Variants in CD226 observed in about 807,000 individuals in gnomAD.
CD226 encodes CD226 molecule.
A neutral mutation model predicts 34.9 loss-of-function variants in CD226; 24 were observed. The ratio of observed to expected loss-of-function variants is 0.69; its 90% CI spans 0.50 to 0.97. CD226 has a LOEUF of 0.97. Ranked by LOEUF, CD226 falls within the 50% of genes least tolerant of loss-of-function variation. The pLI, the probability that CD226 is intolerant of heterozygous loss-of-function variation, is 0.00. For synonymous variants in CD226, 148 were observed against 147.4 expected (o/e 1.00, Z -0.03); for missense variants, 397 against 412.7 (o/e 0.96, Z 0.33).
intron 2 of CD226, among the ~76,000 whole-genome samples, chr18:69,936,243 T>TTTGA (rs2145344149): frequency 6.6e-6 from 1 of 152,338 alleles, no homozygotes; most frequent in East Asian, 1.9e-4. Flanking sequence ...TTTTTTGATT[T>TTTGA]TTGATTACAG....
At chr18:69,898,474 A>G (rs1466194803) in intron 2 of CD226, among the ~76,000 whole-genome samples, 1 of 152,146 alleles carries the variant, frequency 6.6e-6, no homozygotes, top group Non-Finnish European at 1.5e-5. Flanking sequence ...TTCACAAAGG[A>G]CAATGCAGGA....
rs572389864 is a variant in CD226 at position 69,881,574 on chromosome 18, C to G, written c.728-8328G>C. ...GAGGTGGTTTCAACATTTTAAGCGC[C>G]AAACGATTTAGGTTATTAATCATGC... On this transcript the variant is annotated intron_variant, in intron 3 of 5. Transcript: ENST00000582621. Among the ~76,000 whole-genome samples, 31 of 152,278 alleles carry G rather than the reference C, an allele frequency of 2.0e-4. No individual in the cohort carries two copies. In the East Asian group the frequency reaches 6.0e-3, roughly 29 times the overall value.
chr18:69,909,749 G>C (rs1407037715), intron 2 of CD226, among the ~76,000 whole-genome samples: 3 of 152,164 alleles, frequency 2.0e-5, no homozygotes, highest in Admixed American at 2.0e-4. Context: ...CATGTATTCA[G>C]CATTTAATTT....
chr18:69,946,706 T>TC, intron 2 of CD226, 28 bp downstream of exon 2: 1 of 1,456,202 alleles, frequency 6.9e-7, no homozygotes, highest in Non-Finnish European at 9.4e-7. Context: ...TAAAAAGGGA[T>TC]TTAAAAAAAA....
At position 69,858,626 on chromosome 18, in the gene CD226, C is replaced by T. The variant is rs929394519; in HGVS notation, c.*5688G>A. On this transcript the variant is annotated 3_prime_UTR_variant, in exon 6 of 6. Coordinates refer to ENST00000582621, the MANE Select transcript of CD226 (RefSeq NM_001303618.2). ...GAAACGAGTGTTTCCTGCCTCGTTTCCCACTGGAGTTGCCACATGTTGTGT... is the reference window on the plus strand; with the variant it reads ...GAAACGAGTGTTTCCTGCCTCGTTTTCCACTGGAGTTGCCACATGTTGTGT... 3 of 151,350 alleles carry T rather than the reference C, an allele frequency of 2.0e-5. No homozygotes were observed. Among genetic ancestry groups the T allele is most frequent in the Non-Finnish European group, 4.4e-5 (3 of 67,956 alleles). The allele number at this position is 151,350 out of a possible 1,614,324, so 9.4% of individuals were successfully genotyped here. A position where few individuals can be genotyped will look rare whatever the true frequency, so the allele number is the denominator to read the frequency against.
intron 1 of CD226, chr18:69,956,501 T>G (rs569235129): frequency 6.6e-6 from 1 of 152,214 alleles, no homozygotes; most frequent in Non-Finnish European, 1.5e-5. Context: ...AGATCTATTA[T>G]AAATACAATT....
At position 69,855,306 on chromosome 18, in the gene CD226, G is replaced by A. The variant is rs1055122526; in HGVS notation, c.*9008C>T. 1 of 151,652 alleles carries A rather than the reference G, an allele frequency of 6.6e-6. No homozygotes were observed. The highest frequency in any genetic ancestry group is 2.4e-5 in the African/African-American group (1 of 41,244). The allele number at this position is 151,652 out of a possible 1,614,324, so 9.4% of individuals were successfully genotyped here. ...AGATGGATAATGTAAGAAGAAAGAT[G>A]GAAACACTAAGAAGGAATAAAAAAG... On this transcript the variant is annotated 3_prime_UTR_variant, in exon 6 of 6. Transcript: ENST00000582621.
intron 4 of CD226, among the ~76,000 whole-genome samples, chr18:69,869,300 A>T (rs1218488393): frequency 6.6e-6 from 1 of 152,242 alleles, no homozygotes; most frequent in Non-Finnish European, 1.5e-5. Context: ...TGGTACACAT[A>T]TACCATAGAA....
intron 2 of CD226, among the ~76,000 whole-genome samples, chr18:69,914,603 C>T (rs1463351133): frequency 6.6e-6 from 1 of 152,108 alleles, no homozygotes; most frequent in Non-Finnish European, 1.5e-5. Context: ...AGACTTTTGG[C>T]CCTCCTTCTA....
intron 5 of CD226, among the ~76,000 whole-genome samples, chr18:69,865,093 A>C (rs1983059220): frequency 6.6e-6 from 1 of 152,156 alleles, no homozygotes; most frequent in African/African-American, 2.4e-5. Flanking sequence ...CCCAGGTTCA[A>C]GCAATTCTGC....
At chr18:69,885,262 A>T (rs1984490671) in intron 3 of CD226, among the ~76,000 whole-genome samples, 1 of 152,230 alleles carries the variant, frequency 6.6e-6, no homozygotes, top group Non-Finnish European at 1.5e-5. Context: ...CATAAACATG[A>T]GAGAACATAA....
At chr18:69,890,289 A>G (rs1201872132) in intron 3 of CD226, among the ~76,000 whole-genome samples, 1 of 152,152 alleles carries the variant, frequency 6.6e-6, no homozygotes, top group Non-Finnish European at 1.5e-5. Context: ...TGATAACCAG[A>G]GTTTGGAACA....
rs200954367 is a variant in CD226 at position 69,906,797 on chromosome 18, A to G, written c.383-10752T>C. Among the ~76,000 whole-genome samples the G allele has an allele frequency of 7.2e-5, 11 of 152,304 alleles. No homozygotes were observed. The East Asian group carries it at 1.9e-3, about 27-fold the overall frequency. On this transcript the variant is annotated intron_variant, in intron 2 of 5. Transcript: ENST00000582621. ...AAGCAATAAGTTCCAAACACCCTGC[A>G]ATGCAGGGAACTCCATAAAAATGGA...
intron 2 of CD226, among the ~76,000 whole-genome samples, chr18:69,920,595 T>C (rs1275512286): frequency 6.6e-6 from 1 of 152,198 alleles, no homozygotes; most frequent in Non-Finnish European, 1.5e-5. Flanking sequence ...GCTTCATTCT[T>C]CTATATGTTG....
At chr18:69,892,282 T>C (rs1188085161) in intron 3 of CD226, among the ~76,000 whole-genome samples, 1 of 152,224 alleles carries the variant, frequency 6.6e-6, no homozygotes, top group Non-Finnish European at 1.5e-5. Flanking sequence ...GTTTAAACAA[T>C]AGTAGTCTGC....
chr18:69,868,803 G>GCACA (rs56351883), intron 4 of CD226, among the ~76,000 whole-genome samples: 78,316 of 150,824 alleles, frequency 0.52, 21,358 homozygotes, highest in Non-Finnish European at 0.6. Context: ...GCGCGTGCAC[G>GCACA]CACACACACA....
At position 69,946,870 on chromosome 18, in the gene CD226, C is replaced by A. The variant is rs771352362; in HGVS notation, c.246G>T (p.Leu82Phe). 3.1e-6 allele frequency: 5 copies of A among 1,614,090 alleles called. No homozygotes were observed. Among genetic ancestry groups the A allele is most frequent in the Non-Finnish European group, 3.4e-6 (4 of 1,180,000 alleles). Residue 82 changes from leucine to phenylalanine, a missense_variant, in exon 2 of 6, where the codon TTG becomes TTT. Leu to Phe is a conservative substitution (Grantham distance 22). Coordinates refer to ENST00000582621, the MANE Select transcript of CD226 (RefSeq NM_001303618.2). ...TGTTATTGGAAGCCATCGTTGAATTCAAAAAGTAAACCCTCTCAGCATAGG... is the reference window on the plus strand; with the variant it reads ...TGTTATTGGAAGCCATCGTTGAATTAAAAAAGTAAACCCTCTCAGCATAGG... ...RKPYAERVYF[L>F]NSTMASNNMT... is the part of the protein sequence containing the mutation.
chr18:69,953,507 C>T (rs2055871159), intron 1 of CD226, among the ~76,000 whole-genome samples: 1 of 152,120 alleles, frequency 6.6e-6, no homozygotes, highest in Non-Finnish European at 1.5e-5. Flanking sequence ...TATGAAATAT[C>T]CAGATAGTTA....
intron 2 of CD226, among the ~76,000 whole-genome samples, chr18:69,912,967 G>A (rs930821412): frequency 9.2e-5 from 14 of 152,168 alleles, no homozygotes; most frequent in Admixed American, 9.2e-4. Flanking sequence ...GGAACTCAGT[G>A]CAACAAACAG....
Sources: allele counts gnomAD v4.1 joint callset (sites outside exome capture counted in the v4.1 genomes callset), GRCh38; gene constraint gnomAD v4.1.1; transcripts MANE v1.5; gene names NCBI Gene and HGNC (gene_info 2026-07-23, HGNC 2026-07-21).